The following ZBTB20 variants were observed in gnomAD, a reference collection of about 807,000 sequenced individuals.
ZBTB20 encodes the protein zinc finger and BTB domain-containing protein 20.
In ZBTB20, 9 loss-of-function variants were observed where a neutral mutation model predicts 56.9. The observed-to-expected ratio is 0.16, with a 90% CI of 0.10 to 0.28. The LOEUF is 0.28. Ranked by LOEUF, ZBTB20 falls within the 10% of genes least tolerant of loss-of-function variation. The pLI, the probability that ZBTB20 is intolerant of heterozygous loss-of-function variation, is 1.00. For synonymous variants in ZBTB20, 417 were observed against 420.7 expected, an observed-to-expected ratio of 0.99 and a Z score of 0.11; for missense variants, 655 against 1,003.0, an observed-to-expected ratio of 0.65 and a Z score of 4.69.
chr3:114,485,209 C>G (rs1239097841), intron 7 of ZBTB20, among the ~76,000 whole-genome samples: 1 of 152,088 alleles, frequency 6.6e-6, no homozygotes, highest in Non-Finnish European at 1.5e-5. Flanking sequence ...TTTTCTTAGA[C>G]CAAGTTATTT....
At chr3:114,647,773 T>C (rs973660292) in intron 6 of ZBTB20, among the ~76,000 whole-genome samples, 9 of 152,034 alleles carry the variant, frequency 5.9e-5, no homozygotes, top group Non-Finnish European at 1.2e-4. Flanking sequence ...ATCATGACAA[T>C]TGTGGGAGAG....
intron 5 of ZBTB20, among the ~76,000 whole-genome samples, chr3:114,728,769 G>A (rs1166501840): frequency 6.6e-6 from 1 of 152,188 alleles, no homozygotes; most frequent in East Asian, 1.9e-4. Context: ...GAATAAGAGA[G>A]AGAATGTGTT....
At chr3:114,384,100 T>TTCTC (rs57746371) in intron 8 of ZBTB20, among the ~76,000 whole-genome samples, 6,551 of 139,254 alleles carry the variant, frequency 0.047, 171 homozygotes, top group East Asian at 0.1. Flanking sequence ...TCAGTTCTCA[T>TTCTC]TCTCTCTCTC....
At chr3:114,343,163 G>C (rs1209015487) in intron 11 of ZBTB20, among the ~76,000 whole-genome samples, 1 of 148,248 alleles carries the variant, frequency 6.7e-6, no homozygotes, top group Non-Finnish European at 1.5e-5. Flanking sequence ...AAAAAAGGAA[G>C]AAAGATCCTG....
chr3:114,636,374 A>G (rs980573132), intron 6 of ZBTB20, among the ~76,000 whole-genome samples: 6 of 152,142 alleles, frequency 3.9e-5, no homozygotes, highest in African/African-American at 1.4e-4. Context: ...AGTCAAGTAT[A>G]TAGTCAAATA....
Position 114,637,039 on chromosome 3 carries a change from T to G in ZBTB20, c.-295+56489A>C, listed in dbSNP as rs887639897. On this transcript the variant is annotated intron_variant, in intron 6 of 11. Coordinates refer to ENST00000675478, the MANE Select transcript of ZBTB20 (RefSeq NM_001348800.3). ...ACCAAAAGCTAGTAAGAGTGGCTAT[T>G]CTTATATCATACAAAATAGACTTTC... 7.2e-5 allele frequency among the ~76,000 whole-genome samples: 11 copies of G among 152,208 alleles called. No homozygotes were observed. The East Asian group carries it at 2.1e-3, about 29-fold the overall frequency.
intron 6 of ZBTB20, among the ~76,000 whole-genome samples, chr3:114,671,636 T>C (rs939700035): frequency 1.3e-5 from 2 of 152,008 alleles, no homozygotes; most frequent in Admixed American, 6.6e-5. Context: ...TATTAGACCC[T>C]TTTAAATAAG....
chr3:115,094,553 T>G (rs2083310189), intron 1 of ZBTB20, among the ~76,000 whole-genome samples: 1 of 151,784 alleles, frequency 6.6e-6, no homozygotes, highest in African/African-American at 2.4e-5. Context: ...TTTTTTTTTT[T>G]TTTAACTAAG....
intron 6 of ZBTB20, among the ~76,000 whole-genome samples, chr3:114,551,894 T>G (rs1465229720): frequency 6.6e-6 from 1 of 152,196 alleles, no homozygotes; most frequent in Non-Finnish European, 1.5e-5. Context: ...AACACTTTTA[T>G]TTCTATAAAT....
At chr3:114,816,137 C>T (rs1285587696) in intron 4 of ZBTB20, among the ~76,000 whole-genome samples, 2 of 152,152 alleles carry the variant, frequency 1.3e-5, no homozygotes, top group Non-Finnish European at 2.9e-5. Context: ...AATGCTTTAA[C>T]AAAAACTGTT....
At chr3:114,432,596 C>A (rs1180378573) in intron 7 of ZBTB20, among the ~76,000 whole-genome samples, 3 of 152,106 alleles carry the variant, frequency 2.0e-5, no homozygotes, top group Non-Finnish European at 4.4e-5. Context: ...GCTTTTGGAA[C>A]CTTTCTGAGG....
chr3:114,723,189 T>C (rs1018914856), intron 5 of ZBTB20, among the ~76,000 whole-genome samples: 5 of 152,140 alleles, frequency 3.3e-5, no homozygotes, highest in African/African-American at 1.2e-4. Flanking sequence ...TGCAAATAGA[T>C]TCAAATATGC....
chr3:114,681,551 T>G (rs938819933), intron 6 of ZBTB20, among the ~76,000 whole-genome samples: 2 of 152,262 alleles, frequency 1.3e-5, no homozygotes, highest in Non-Finnish European at 2.9e-5. Flanking sequence ...TTTCCATTTA[T>G]TTCACATTGC....
chr3:114,762,611 G>A (rs915534078), intron 5 of ZBTB20, among the ~76,000 whole-genome samples: 1 of 152,114 alleles, frequency 6.6e-6, no homozygotes, highest in Non-Finnish European at 1.5e-5. Context: ...TCAATTATTG[G>A]TGTTTATTCT....
intron 2 of ZBTB20, among the ~76,000 whole-genome samples, chr3:114,997,623 C>G (rs1272110737): frequency 6.6e-6 from 1 of 150,634 alleles, no homozygotes; most frequent in African/African-American, 2.4e-5. Flanking sequence ...AAGGAGTTTA[C>G]AAAGAGACAA....
chr3:114,584,719 A>G (rs1284454866), intron 6 of ZBTB20, among the ~76,000 whole-genome samples: 1 of 152,186 alleles, frequency 6.6e-6, no homozygotes, highest in Non-Finnish European at 1.5e-5. Flanking sequence ...TTGGCAAGAA[A>G]TGTGGTTCTC....
chr3:114,963,031 A>T (rs2077512442), intron 3 of ZBTB20, among the ~76,000 whole-genome samples: 1 of 150,320 alleles, frequency 6.7e-6, no homozygotes, highest in Admixed American at 6.6e-5. Context: ...AGCTGGCATC[A>T]CTCACAGCTC....
intron 6 of ZBTB20, among the ~76,000 whole-genome samples, chr3:114,645,188 T>C (rs1347117613): frequency 6.6e-6 from 1 of 152,160 alleles, no homozygotes; most frequent in Non-Finnish European, 1.5e-5. Flanking sequence ...GAGACTATAT[T>C]GGCGAGTTAA....
At chr3:114,488,076 G>A (rs1577050357) in intron 7 of ZBTB20, among the ~76,000 whole-genome samples, 1 of 152,182 alleles carries the variant, frequency 6.6e-6, no homozygotes, top group East Asian at 1.9e-4. Flanking sequence ...TTTGAGGGCT[G>A]GTGATGCCAA....
Sources: gnomAD v4.1 joint callset for allele counts (sites outside exome capture counted in the v4.1 genomes callset) on GRCh38, gnomAD v4.1.1 for gene constraint, MANE v1.5 for transcripts, NCBI Gene and HGNC (gene_info 2026-07-23, HGNC 2026-07-21) for gene names.